BAZ2B: variants seen among roughly 807,000 people sequenced by gnomAD.
BAZ2B encodes bromodomain adjacent to zinc finger domain protein 2B.
A neutral mutation model predicts 246.0 loss-of-function variants in BAZ2B; 91 were observed. That is an observed-to-expected ratio of 0.37 (90% confidence interval 0.31 to 0.44). The LOEUF (loss-of-function observed/expected upper bound fraction) is 0.44. Among genes scored for constraint, BAZ2B ranks in the 20% least tolerant of loss-of-function variants. The pLI is 1.00. For missense variants in BAZ2B, 2,332 were observed against 2,533.7 expected (o/e 0.92, Z 1.71); for synonymous variants, 855 against 860.0 (o/e 0.99, Z 0.10).
chr2:159,387,474 T>C (rs2062780909), intron 21 of BAZ2B, among the ~76,000 whole-genome samples: 1 of 152,216 alleles, frequency 6.6e-6, no homozygotes, highest in Admixed American at 6.5e-5. Context: ...TTTATCTGAA[T>C]TGGTCCTTGT....
chr2:159,462,735 T>C, intron 3 of BAZ2B: 1 of 1,426,172 alleles, frequency 7.0e-7, no homozygotes, highest in Non-Finnish European at 9.9e-7. Flanking sequence ...CACTCTGATC[T>C]CCAACGACCA....
At chr2:159,494,782 T>C (rs2080887717) in intron 2 of BAZ2B, among the ~76,000 whole-genome samples, 1 of 152,210 alleles carries the variant, frequency 6.6e-6, no homozygotes, top group African/African-American at 2.4e-5. Flanking sequence ...TATGAAAACA[T>C]CTGATGTTCA....
At chr2:159,359,206 G>A (rs185177292) in intron 27 of BAZ2B, among the ~76,000 whole-genome samples, 1 of 152,048 alleles carries the variant, frequency 6.6e-6, no homozygotes, top group East Asian at 1.9e-4. Flanking sequence ...AGACAGACTG[G>A]TAGCCACACT....
intron 4 of BAZ2B, among the ~76,000 whole-genome samples, chr2:159,453,045 A>T (rs574347919): frequency 2.6e-4 from 40 of 152,370 alleles, no homozygotes; most frequent in African/African-American, 8.4e-4. Context: ...GGTTGCAGTG[A>T]GCTGAGACTG....
the BAZ2B span, among the ~76,000 whole-genome samples, chr2:159,626,322 G>A: frequency 2.7e-4 from 41 of 152,098 alleles, no homozygotes; most frequent in East Asian, 6.4e-3. Context: ...TGGACCAAGC[G>A]GATCTAATAA....
rs565235959 is a variant in BAZ2B, at chr2:159,500,042, T to C, written c.-2-21321A>G. Reference sequence around the variant, plus strand: ...TTTAATTAGGTCCCATTTATCAGTATTTGCTTTTGTTGCAACTGCTTTTGG... The same window carrying C: ...TTTAATTAGGTCCCATTTATCAGTACTTGCTTTTGTTGCAACTGCTTTTGG... On this transcript the variant is annotated intron_variant, in intron 2 of 36. Transcript: ENST00000392783. Among the ~76,000 whole-genome samples the C allele has an allele frequency of 3.3e-5, 5 of 152,348 alleles. No individual in the cohort carries two copies. In the South Asian group the frequency reaches 1.0e-3, roughly 32 times the overall value.
At chr2:159,453,823 T>G (rs762234197) in intron 3 of BAZ2B, 22 bp from the exon 4 acceptor site, 3 of 1,555,406 alleles carry the variant, frequency 1.9e-6, no homozygotes, top group Non-Finnish European at 2.6e-6. Flanking sequence ...AAAAACACAC[T>G]TAAAGTTGTA....
At chr2:159,356,822 T>C (rs2059162800) in intron 27 of BAZ2B, among the ~76,000 whole-genome samples, 1 of 152,130 alleles carries the variant, frequency 6.6e-6, no homozygotes, top group South Asian at 2.1e-4. Context: ...CCGCTGGTGA[T>C]AACAGGCAAA....
At chr2:159,346,433 A>G (rs1252478635) in intron 31 of BAZ2B, among the ~76,000 whole-genome samples, 1 of 152,202 alleles carries the variant, frequency 6.6e-6, no homozygotes, top group African/African-American at 2.4e-5. Flanking sequence ...AGCCAGGCAC[A>G]GTGGCTCATG....
At chr2:159,376,129 G>A (rs1398311030) in intron 25 of BAZ2B, among the ~76,000 whole-genome samples, 1 of 152,066 alleles carries the variant, frequency 6.6e-6, no homozygotes, top group Non-Finnish European at 1.5e-5. Context: ...CTAGACATAG[G>A]CAAATTACTT....
the BAZ2B span, among the ~76,000 whole-genome samples, chr2:159,630,283 A>T: frequency 6.6e-6 from 1 of 152,216 alleles, no homozygotes; most frequent in Admixed American, 6.5e-5. Flanking sequence ...TGACCATGCC[A>T]CTACATTTCA....
At position 159,445,741 on chromosome 2, in the gene BAZ2B, G is replaced by A. The variant is rs560757119; in HGVS notation, c.696+1041C>T. ...CCACTGGATCTCCTGGATACCACCAGTAGAGAAGCTGTCAGCCAGCAAGCA... is the reference window on the plus strand; with the variant it reads ...CCACTGGATCTCCTGGATACCACCAATAGAGAAGCTGTCAGCCAGCAAGCA... On this transcript the variant is annotated intron_variant, in intron 6 of 36. Coordinates refer to ENST00000392783, the MANE Select transcript of BAZ2B (RefSeq NM_013450.4). Among the ~76,000 whole-genome samples, 46 of 152,294 alleles carry A rather than the reference G, an allele frequency of 3.0e-4. 2 individuals carry two copies. The highest frequency in any genetic ancestry group is 2.3e-3 in the Admixed American group (35 of 15,288).
At chr2:159,647,836 A>G in the BAZ2B span, among the ~76,000 whole-genome samples, 3 of 152,172 alleles carry the variant, frequency 2.0e-5, no homozygotes, top group East Asian at 5.8e-4. Flanking sequence ...CTAGCAGCAA[A>G]CATTTTACTT....
chr2:159,707,089 T>C, the BAZ2B span, among the ~76,000 whole-genome samples: 2 of 152,224 alleles, frequency 1.3e-5, no homozygotes, highest in Non-Finnish European at 2.9e-5. Flanking sequence ...CTACTGGTTC[T>C]GTTTCTCTGG....
In BAZ2B at chr2:159,370,129, T is replaced by C. The variant is rs186223740; in HGVS notation, c.4213+2916A>G. Among the ~76,000 whole-genome samples, 6 of 152,008 alleles carry C rather than the reference T, an allele frequency of 3.9e-5. No homozygotes were observed. In the East Asian group the frequency reaches 9.7e-4, roughly 25 times the overall value. On this transcript the variant is annotated intron_variant, in intron 27 of 36. Transcript: ENST00000392783. ...GGTGGGAATTGAACAATGAGAACAC[T>C]TGGACACAGGAAGGGGAACATCACA...
chr2:159,568,964 T>A (rs542441853), intron 1 of BAZ2B, among the ~76,000 whole-genome samples: 1 of 152,196 alleles, frequency 6.6e-6, no homozygotes, highest in Non-Finnish European at 1.5e-5. Context: ...TTTTCCCTCA[T>A]ATTAGGGTTT....
intron 31 of BAZ2B, among the ~76,000 whole-genome samples, chr2:159,340,348 G>T (rs201059764): frequency 1.3e-5 from 2 of 151,412 alleles, no homozygotes; most frequent in East Asian, 3.9e-4. Context: ...AGAAGGGAAA[G>T]GTGAGGAAAA....
intron 2 of BAZ2B, among the ~76,000 whole-genome samples, chr2:159,491,745 A>AAAAAAAAAAAAAAAT (rs2080524159): frequency 7.0e-6 from 1 of 143,614 alleles, no homozygotes; most frequent in Non-Finnish European, 1.5e-5. Flanking sequence ...AAAAAAAAAA[A>AAAAAAAAAAAAAAAT]AGTCTTCTGT....
At chr2:159,588,078 C>T (rs1417566392) in intron 1 of BAZ2B, among the ~76,000 whole-genome samples, 1 of 151,860 alleles carries the variant, frequency 6.6e-6, no homozygotes, top group East Asian at 1.9e-4. Context: ...TCTGTAGTCC[C>T]AGCTACTCGG....
Sources: gnomAD v4.1 joint callset for allele counts (sites outside exome capture counted in the v4.1 genomes callset) on GRCh38, gnomAD v4.1.1 for gene constraint, MANE v1.5 for transcripts, NCBI Gene and HGNC (gene_info 2026-07-23, HGNC 2026-07-21) for gene names.